Variants in PAPPA2 observed in about 807,000 individuals in gnomAD.
PAPPA2 encodes pappalysin 2.
Under a neutral mutation model 176.4 loss-of-function variants are expected in PAPPA2, and 86 were observed. The ratio of observed to expected loss-of-function variants is 0.49; its 90% confidence interval spans 0.41 to 0.58. The LOEUF (loss-of-function observed/expected upper bound fraction) is 0.58. Among genes scored for constraint, PAPPA2 ranks in the 20% least tolerant of loss-of-function variants. PAPPA2 has a pLI of 0.00. For synonymous variants in PAPPA2, 809 were observed against 852.2 expected, an observed-to-expected ratio of 0.95 and a Z score of 0.88; for missense variants, 2,073 against 2,256.9, an observed-to-expected ratio of 0.92 and a Z score of 1.65.
Position 176,691,139 on chromosome 1 carries a change from T to C in PAPPA2, c.2431+709T>C, listed in dbSNP as rs565694382. 16 of 985,002 alleles carry C rather than the reference T, an allele frequency of 1.6e-5. No homozygotes were observed. The South Asian group carries it at 6.6e-4, about 41-fold the overall frequency. The allele number at this position is 985,002 out of a possible 1,614,324, so 61.0% of individuals were successfully genotyped here. On this transcript the variant is annotated intron_variant, in intron 5 of 22. Coordinates refer to ENST00000367662, the MANE Select transcript of PAPPA2 (RefSeq NM_020318.3). ...CTTCCTTGTTTCTTGTGAAAAGTAA[T>C]AGTGACTGGTTTCCTATAATGGACT...
intron 17 of PAPPA2, 77 bp downstream of exon 17, chr1:176,771,257 C>T (rs1353500513): frequency 1.4e-6 from 2 of 1,441,018 alleles, no homozygotes; most frequent in Non-Finnish European, 9.6e-7. Context: ...TATAATCTCT[C>T]TTTACCTGCA....
At chr1:176,551,500 C>T (rs182200780) in intron 1 of PAPPA2, among the ~76,000 whole-genome samples, 9 of 152,332 alleles carry the variant, frequency 5.9e-5, no homozygotes, top group African/African-American at 2.2e-4. Context: ...CTCTTTCTCT[C>T]TGTCTTGCTC....
At chr1:176,489,207 G>T (rs1652787212) in intron 1 of PAPPA2, among the ~76,000 whole-genome samples, 1 of 152,036 alleles carries the variant, frequency 6.6e-6, no homozygotes, top group African/African-American at 2.4e-5. Flanking sequence ...TTTCTATCAT[G>T]CCCTGTTCTG....
Position 176,594,961 on chromosome 1 carries a change from G to C in PAPPA2, c.1357G>C (p.Asp453His). The C allele has an allele frequency of 8.1e-6, 13 of 1,614,230 alleles. No individual in the cohort carries two copies. The highest frequency in any genetic ancestry group is 1.1e-5 in the Non-Finnish European group (13 of 1,180,044). Residue 453 changes from aspartate (D) to histidine (H), a missense_variant, in exon 3 of 23, where the codon GAC becomes CAC. Coordinates refer to ENST00000367662, the MANE Select transcript of PAPPA2 (RefSeq NM_020318.3). ...TTCAAGTGGGGAGGAGGAAGCGACT[G>C]ACTTGGTCCTGACAGCGAGCTTTGA... The part of the protein sequence containing the change: ...QHSSGEEEAT[D>H]LVLTASFEPV...
At chr1:176,530,200 T>A (rs1326770764) in intron 1 of PAPPA2, among the ~76,000 whole-genome samples, 8 of 152,124 alleles carry the variant, frequency 5.3e-5, no homozygotes, top group Non-Finnish European at 8.8e-5. Context: ...TCCCAGTCAT[T>A]TGGAATGGCC....
chr1:176,749,128 G>A (rs983818761), intron 14 of PAPPA2, among the ~76,000 whole-genome samples: 3 of 68,892 alleles, frequency 4.4e-5, no homozygotes, highest in Admixed American at 1.5e-4. Flanking sequence ...GTGTGTGTAT[G>A]TATGTGTGTG....
intron 17 of PAPPA2, among the ~76,000 whole-genome samples, chr1:176,785,314 G>A: frequency 6.6e-6 from 1 of 152,104 alleles, no homozygotes; most frequent in East Asian, 1.9e-4. Flanking sequence ...AAATGAGACA[G>A]CCCTCACTAT....
At chr1:176,749,082 A>ATTT (rs1553403209) in intron 14 of PAPPA2, among the ~76,000 whole-genome samples, 4 of 152,214 alleles carry the variant, frequency 2.6e-5, no homozygotes, top group African/African-American at 7.2e-5. Flanking sequence ...TCATACACAT[A>ATTT]CACCAATGTG....
At chr1:176,839,272 G>A (rs2102991805) in intron 21 of PAPPA2, among the ~76,000 whole-genome samples, 1 of 152,296 alleles carries the variant, frequency 6.6e-6, no homozygotes, top group East Asian at 1.9e-4. Context: ...TCCCTCCAGA[G>A]GTAGTTTTCT....
chr1:176,715,049 C>T (rs1165554183), intron 12 of PAPPA2, among the ~76,000 whole-genome samples: 1 of 152,106 alleles, frequency 6.6e-6, no homozygotes, highest in East Asian at 1.9e-4. Flanking sequence ...TCTCAAAGTA[C>T]CCAGACCCCT....
At chr1:176,528,147 A>T (rs1297151951) in intron 1 of PAPPA2, among the ~76,000 whole-genome samples, 1 of 152,086 alleles carries the variant, frequency 6.6e-6, no homozygotes, top group African/African-American at 2.4e-5. Flanking sequence ...ATTCAATTGG[A>T]CTGCATTTGA....
intron 14 of PAPPA2, 94 bp from the exon 15 acceptor site, chr1:176,765,572 G>A (rs2102905754): frequency 7.9e-7 from 1 of 1,263,498 alleles, no homozygotes; most frequent in East Asian, 2.3e-5. Flanking sequence ...GTTCTCTCTG[G>A]TTTAGGAGCC....
chr1:176,713,157 T>A (rs1019810842), intron 12 of PAPPA2, among the ~76,000 whole-genome samples: 2 of 151,976 alleles, frequency 1.3e-5, no homozygotes, highest in Non-Finnish European at 2.9e-5. Context: ...GAATTCAAGT[T>A]CTTTTTTTTT....
chr1:176,798,870 T>G (rs1665555416), intron 20 of PAPPA2, among the ~76,000 whole-genome samples: 1 of 152,224 alleles, frequency 6.6e-6, no homozygotes, highest in African/African-American at 2.4e-5. Context: ...CTACTTATTT[T>G]CCCTCTAGAG....
intron 12 of PAPPA2, among the ~76,000 whole-genome samples, chr1:176,723,155 A>T (rs1238581456): frequency 6.6e-6 from 1 of 152,134 alleles, no homozygotes; most frequent in African/African-American, 2.4e-5. Context: ...CACTCCTATG[A>T]TAACTGAACT....
At chr1:176,542,715 C>T (rs1558425862) in intron 1 of PAPPA2, among the ~76,000 whole-genome samples, 1 of 152,174 alleles carries the variant, frequency 6.6e-6, no homozygotes, top group Non-Finnish European at 1.5e-5. Context: ...GGTTTGATTT[C>T]CTGCTCCTGC....
rs1339464047 is a variant in PAPPA2, at chr1:176,709,999, C to A, written c.3474C>A (p.Cys1158Ter). The A allele has an allele frequency of 1.2e-6, 2 of 1,606,594 alleles. No homozygotes were observed. Among genetic ancestry groups the A allele is most frequent in the African/African-American group, 2.7e-5 (2 of 74,510 alleles). ...TCTTGGCAGGAGAGCCAAGCCTTTG[C>A]TACATGTATGAGGGAGATGGCATAT... ...GFNCVGEPSLCYMYEGDGICE... is the reference protein window; with the variant it reads ...GFNCVGEPSL The change falls in exon 11 of 23, where the codon TGC becomes TGA. Residue 1158 changes from cysteine (C) to a stop codon, truncating the protein, a stop_gained. Coordinates refer to ENST00000367662, the MANE Select transcript of PAPPA2 (RefSeq NM_020318.3). LOFTEE classifies it high-confidence loss of function.
intron 1 of PAPPA2, among the ~76,000 whole-genome samples, chr1:176,528,676 C>T (rs991000814): frequency 6.6e-6 from 1 of 152,180 alleles, no homozygotes; most frequent in South Asian, 2.1e-4. Context: ...ATTTCCCTTC[C>T]CTCCAGTCCA....
chr1:176,489,922 A>G (rs1652816603), intron 1 of PAPPA2, among the ~76,000 whole-genome samples: 1 of 152,218 alleles, frequency 6.6e-6, no homozygotes, highest in Non-Finnish European at 1.5e-5. Context: ...AGCATGTGGT[A>G]TATATTCAAT....
Sources: gnomAD v4.1 joint callset for allele counts (sites outside exome capture counted in the v4.1 genomes callset) on GRCh38, gnomAD v4.1.1 for gene constraint, MANE v1.5 for transcripts, NCBI Gene and HGNC (gene_info 2026-07-23, HGNC 2026-07-21) for gene names.